The following WDR47 variants were observed in gnomAD, a reference collection of about 807,000 sequenced individuals.
WDR47 encodes WD repeat-containing protein 47.
Under a neutral mutation model 97.2 loss-of-function variants are expected in WDR47, and 32 were observed. That is an observed-to-expected ratio of 0.33 (90% confidence interval 0.25 to 0.44). WDR47 has a LOEUF of 0.44. Among genes scored for constraint, WDR47 ranks in the 20% least tolerant of loss-of-function variants. The pLI, the probability that WDR47 is intolerant of heterozygous loss-of-function variation, is 1.00. For synonymous variants in WDR47, 375 were observed against 373.5 expected (o/e 1.00, Z -0.05); for missense variants, 782 against 1,102.3 (o/e 0.71, Z 4.11).
chr1:109,015,719 G>C (rs906924844), intron 3 of WDR47, among the ~76,000 whole-genome samples: 1 of 151,456 alleles, frequency 6.6e-6, no homozygotes, highest in African/African-American at 2.4e-5. Flanking sequence ...CAGGTGCGTT[G>C]GCTCAAGCCT....
chr1:108,980,432 T>G (rs769256917), intron 13 of WDR47, among the ~76,000 whole-genome samples: 10 of 152,094 alleles, frequency 6.6e-5, no homozygotes, highest in African/African-American at 9.7e-5. Flanking sequence ...AATTCTGCTA[T>G]TAAAAACTAC....
chr1:109,004,781 T>C, intron 5 of WDR47, 66 bp from the exon 6 acceptor site: 1 of 1,492,462 alleles, frequency 6.7e-7, no homozygotes, highest in East Asian at 2.4e-5. Flanking sequence ...TATATTTTAG[T>C]TAGAGAAATT....
intron 7 of WDR47, among the ~76,000 whole-genome samples, chr1:109,000,380 G>A (rs337299): frequency 0.18 from 26,668 of 151,380 alleles, 2,515 homozygotes; most frequent in Admixed American, 0.26. Context: ...ATAGTGGTGC[G>A]TACCTGTAAT....
rs750643730 is a variant in WDR47 at position 109,004,614 on chromosome 1, G to A, written c.1232C>T (p.Pro411Leu). ...TACCTCATTTTTTTCTTGTTTAGCTGGTCCTGGATTCTGTGCTCCATTTGC... is the reference window on the plus strand; with the variant it reads ...TACCTCATTTTTTTCTTGTTTAGCTAGTCCTGGATTCTGTGCTCCATTTGC... Reference protein sequence around the residue: ...EPANGAQNPGPAKQEKNELRD... With the variant: ...EPANGAQNPGLAKQEKNELRD... The change falls in exon 6 of 15, where the codon CCA becomes CTA. Residue 411 changes from proline to leucine, a missense_variant. This residue lies in a region of WDR47 where 428 missense variants were observed against 584.3 expected (regional missense o/e 0.73). Transcript: ENST00000369962. The A allele has an allele frequency of 1.9e-6, 3 of 1,611,384 alleles. No homozygotes were observed. The highest frequency in any genetic ancestry group is 2.7e-5 in the African/African-American group (2 of 74,684).
At chr1:109,010,740 G>A (rs1304448093) in intron 5 of WDR47, among the ~76,000 whole-genome samples, 176 bp downstream of exon 5, 1 of 151,692 alleles carries the variant, frequency 6.6e-6, no homozygotes, top group Non-Finnish European at 1.5e-5. Context: ...CTGCCACCAC[G>A]CCCAGCTAAT....
At chr1:108,973,698 A>G (rs917508247) in intron 14 of WDR47, among the ~76,000 whole-genome samples, 2 of 152,198 alleles carry the variant, frequency 1.3e-5, no homozygotes, top group Non-Finnish European at 2.9e-5. Context: ...CCTGGGCAAC[A>G]TGGCAAGATC....
chr1:108,985,257 CTCA>C (rs1260715686), intron 10 of WDR47, among the ~76,000 whole-genome samples: 1 of 152,154 alleles, frequency 6.6e-6, no homozygotes, highest in African/African-American at 2.4e-5. Context: ...CAAACTCAAG[CTCA>C]TAATTTTCCA....
At chr1:108,984,838 AG>A (rs751121109) in intron 10 of WDR47, among the ~76,000 whole-genome samples, 1 of 152,222 alleles carries the variant, frequency 6.6e-6, no homozygotes, top group Non-Finnish European at 1.5e-5. Flanking sequence ...AGGTCGTGCC[AG>A]TGCACTCCAG....
At chr1:108,993,829 G>A (rs1571173500) in intron 8 of WDR47, among the ~76,000 whole-genome samples, 1 of 152,158 alleles carries the variant, frequency 6.6e-6, no homozygotes, top group Middle Eastern at 3.4e-3. Context: ...TAAATATTAA[G>A]AAAACTCATC....
In WDR47 at chr1:108,970,220, A is replaced by T. The variant is rs1412578525; in HGVS notation, c.*1210T>A. 1 of 152,642 alleles carries T rather than the reference A, an allele frequency of 6.6e-6. No individual in the cohort carries two copies. The highest frequency in any genetic ancestry group is 1.5e-5 in the Non-Finnish European group (1 of 68,034). 9.5% of individuals were successfully genotyped at this position (152,642 alleles called of 1,614,324 possible). A position where few individuals can be genotyped will look rare whatever the true frequency, so the allele number is the denominator to read the frequency against. Reference sequence around the variant, plus strand: ...GACTGAGGAACAGAAACAGTTTTAAATGTCAAGAGGTCTTTATTGAAATAA... The same window carrying T: ...GACTGAGGAACAGAAACAGTTTTAATTGTCAAGAGGTCTTTATTGAAATAA... On this transcript the variant is annotated 3_prime_UTR_variant, in exon 15 of 15. Transcript: ENST00000369962.
At chr1:109,004,554 G>A (rs372949076) in intron 6 of WDR47, 38 bp downstream of exon 6, 7 of 1,580,022 alleles carry the variant, frequency 4.4e-6, no homozygotes, top group Admixed American at 1.9e-5. Flanking sequence ...CTTACAAAGA[G>A]AATAACTCTG....
intron 1 of WDR47, among the ~76,000 whole-genome samples, chr1:109,031,961 G>A (rs1339620301): frequency 7.3e-6 from 1 of 136,530 alleles, no homozygotes; most frequent in Non-Finnish European, 1.6e-5. Flanking sequence ...CACCATACCT[G>A]GCTAATTTTT....
intron 13 of WDR47, among the ~76,000 whole-genome samples, chr1:108,978,242 G>A (rs567046810): frequency 8.6e-5 from 13 of 150,942 alleles, no homozygotes; most frequent in African/African-American, 2.7e-4. Flanking sequence ...CTGGAAGGCC[G>A]AGGCAGGCGG....
intron 5 of WDR47, among the ~76,000 whole-genome samples, chr1:109,006,567 G>A (rs1660639509): frequency 6.6e-6 from 1 of 152,170 alleles, no homozygotes; most frequent in Non-Finnish European, 1.5e-5. Context: ...AACGTATACA[G>A]AACTTCCATA....
intron 13 of WDR47, among the ~76,000 whole-genome samples, chr1:108,977,448 C>T (rs975947272): frequency 6.6e-6 from 1 of 152,152 alleles, no homozygotes; most frequent in Non-Finnish European, 1.5e-5. Flanking sequence ...GCCACCACAC[C>T]CGGCCAGGTG....
At chr1:108,995,066 C>T (rs1198792836) in intron 8 of WDR47, among the ~76,000 whole-genome samples, 2 of 152,110 alleles carry the variant, frequency 1.3e-5, no homozygotes, top group African/African-American at 4.8e-5. Context: ...TAACTATTCC[C>T]ATTGCATAAA....
intron 2 of WDR47, among the ~76,000 whole-genome samples, chr1:109,018,238 C>T (rs1332156126): frequency 1.3e-5 from 2 of 151,714 alleles, no homozygotes; most frequent in African/African-American, 4.8e-5. Context: ...CACCTGAGGT[C>T]AGGAGTTTGA....
intron 12 of WDR47, 107 bp downstream of exon 12, chr1:108,982,502 G>A: frequency 7.4e-7 from 1 of 1,351,614 alleles, no homozygotes. Context: ...ACTGCACTCT[G>A]GACAGTAAGA....
At chr1:108,996,850 A>G (rs113876018) in intron 7 of WDR47, among the ~76,000 whole-genome samples, 11,272 of 152,128 alleles carry the variant, frequency 0.074, 679 homozygotes, top group African/African-American at 0.16. Flanking sequence ...AGGTGCGGTG[A>G]CTCATACCTG....
Sources: allele counts gnomAD v4.1 joint callset (sites outside exome capture counted in the v4.1 genomes callset), GRCh38; gene constraint gnomAD v4.1.1; regional missense constraint gnomAD v4.1.1; transcripts MANE v1.5; gene names NCBI Gene and HGNC (gene_info 2026-07-23, HGNC 2026-07-21).